Variants in GINS1 observed in about 807,000 individuals in gnomAD.
GINS1 encodes GINS complex subunit 1.
In GINS1, 26 loss-of-function variants were observed where a neutral mutation model predicts 34.9. The ratio of observed to expected loss-of-function variants is 0.74; its 90% CI spans 0.55 to 1.03. The LOEUF (loss-of-function observed/expected upper bound fraction) is 1.03. GINS1 is among the 50% of genes least tolerant of loss of function. The pLI is 0.00. For missense variants in GINS1, 235 were observed against 237.9 expected, an observed-to-expected ratio of 0.99 and a Z score of 0.08; for synonymous variants, 97 against 84.4, an observed-to-expected ratio of 1.15 and a Z score of -0.82.
chr20:25,437,944 C>T lies in GINS1; in HGVS notation c.448-3758C>T, dbSNP rs527324913. 5.3e-5 allele frequency among the ~76,000 whole-genome samples: 8 copies of T among 151,976 alleles called. No individual in the cohort carries two copies. In the East Asian group the frequency reaches 1.6e-3, roughly 30 times the overall value. On this transcript the variant is annotated intron_variant, in intron 5 of 6. Transcript: ENST00000262460. ...GACCAGCCTGGCCAACATGGTGAAACCCCATCTCTACTAAAAATACAAAAT... is the reference window on the plus strand; with the variant it reads ...GACCAGCCTGGCCAACATGGTGAAATCCCATCTCTACTAAAAATACAAAAT...
chr20:25,446,079 G>T lies in GINS1; in HGVS notation c.*88G>T. 1.5e-6 allele frequency: 1 copy of T among 665,260 alleles called. No homozygotes were observed. Among genetic ancestry groups the T allele is most frequent in the South Asian group, 2.1e-5 (1 of 48,492 alleles). 41.2% of individuals were successfully genotyped at this position (665,260 alleles called of 1,614,324 possible). A position where few individuals can be genotyped will look rare whatever the true frequency, so the allele number is the denominator to read the frequency against. On this transcript the variant is annotated 3_prime_UTR_variant, in exon 7 of 7. Coordinates refer to ENST00000262460, the MANE Select transcript of GINS1 (RefSeq NM_021067.5). ...CACCACTCCCTTCACCTCCCTCTTT[G>T]ATTTTAGAAGCTATAGACATTGTTT...
Position 25,413,866 on chromosome 20 carries a change from A to G in GINS1, c.140+12A>G. On this transcript the variant is annotated intron_variant, in intron 2 of 6. Coordinates refer to ENST00000262460, the MANE Select transcript of GINS1 (RefSeq NM_021067.5). Reference sequence around the variant, plus strand: ...AACCAGTCTGATGTGTAAGTTTCATAAGATGATATTCTAAAACAATTCAAT... The same window carrying G: ...AACCAGTCTGATGTGTAAGTTTCATGAGATGATATTCTAAAACAATTCAAT... 1 of 1,434,510 alleles carries G rather than the reference A, an allele frequency of 7.0e-7. No homozygotes were observed. Among genetic ancestry groups the G allele is most frequent in the Non-Finnish European group, 9.8e-7 (1 of 1,015,844 alleles). The allele number at this position is 1,434,510 out of a possible 1,614,324, so 88.9% of individuals were successfully genotyped here. A position where few individuals can be genotyped will look rare whatever the true frequency, so the allele number is the denominator to read the frequency against.
At chr20:25,413,554 C>G (rs1455280056) in intron 1 of GINS1, 2 of 465,704 alleles carry the variant, frequency 4.3e-6, no homozygotes, top group Non-Finnish European at 7.6e-6. Context: ...TTTTGAGGAA[C>G]TGTCAAGTTT....
In GINS1 at chr20:25,446,000, C is replaced by G. The variant is rs532768398; in HGVS notation, c.*9C>G. 66 of 1,570,448 alleles carry G rather than the reference C, an allele frequency of 4.2e-5. No homozygotes were observed. The Middle Eastern group carries it at 5.0e-4, about 12-fold the overall frequency. On this transcript the variant is annotated 3_prime_UTR_variant, in exon 7 of 7. Coordinates refer to ENST00000262460, the MANE Select transcript of GINS1 (RefSeq NM_021067.5). ...AGCACATCCTGTCATGACCATGCGC[C>G]GAGGCACTTCCAGGCTTCACTCAAC...
At chr20:25,408,460 C>T (rs1721150348) in intron 1 of GINS1, among the ~76,000 whole-genome samples, 1 of 152,168 alleles carries the variant, frequency 6.6e-6, no homozygotes. Flanking sequence ...TTTTCTCCTG[C>T]TGCTGCTGTT....
chr20:25,411,863 G>A (rs1273036153), intron 1 of GINS1, among the ~76,000 whole-genome samples: 1 of 151,714 alleles, frequency 6.6e-6, no homozygotes, highest in Non-Finnish European at 1.5e-5. Flanking sequence ...TCATTGCTTG[G>A]ACCCGGGAGA....
Position 25,442,366 on chromosome 20 carries a change from G to GTCTA in GINS1, c.522+593_522+594insATCT, listed in dbSNP as rs1353446926. 1.5e-3 allele frequency among the ~76,000 whole-genome samples: 158 copies of GTCTA among 105,926 alleles called. 1 individual carries two copies. The highest frequency in any genetic ancestry group is 4.3e-3 in the African/African-American group (151 of 34,978). The allele number at this position is 105,926 out of a possible 152,430, so 69.5% of individuals were successfully genotyped here. A position where few individuals can be genotyped will look rare whatever the true frequency, so the allele number is the denominator to read the frequency against. ...TGTCTGTCTGTCTGTCTGTCTGTCT[G>GTCTA]TCTGTCTATCTATCTATCTATCTTT... is the stretch of plus-strand genomic sequence containing the variant. On this transcript the variant is annotated intron_variant, in intron 6 of 6. Coordinates refer to ENST00000262460, the MANE Select transcript of GINS1 (RefSeq NM_021067.5).
chr20:25,415,253 C>T (rs2090313093), intron 2 of GINS1, among the ~76,000 whole-genome samples: 1 of 152,182 alleles, frequency 6.6e-6, no homozygotes, highest in Admixed American at 6.5e-5. Context: ...TGAACCTCAA[C>T]AGATTTGCAG....
Position 25,447,078 on chromosome 20 carries a change from C to T in GINS1, c.*1087C>T, listed in dbSNP as rs1481794145. On this transcript the variant is annotated 3_prime_UTR_variant, in exon 7 of 7. Transcript: ENST00000262460. ...GTTTTGAGATGGAGTCTTGTTCTGT[C>T]ACCCAGGCTGGGGTGCAGTGGCGTG... 2 of 150,194 alleles carry T rather than the reference C, an allele frequency of 1.3e-5. No individual in the cohort carries two copies. Among genetic ancestry groups the T allele is most frequent in the East Asian group, 2.0e-4 (1 of 5,110 alleles). 9.3% of individuals were successfully genotyped at this position (150,194 alleles called of 1,614,324 possible). A position where few individuals can be genotyped will look rare whatever the true frequency, so the allele number is the denominator to read the frequency against.
chr20:25,432,217 T>A (rs2090430947), intron 5 of GINS1, among the ~76,000 whole-genome samples: 1 of 152,198 alleles, frequency 6.6e-6, no homozygotes, highest in Non-Finnish European at 1.5e-5. Context: ...TGTTTGTAAC[T>A]ATAAATTTCT....
In GINS1 at chr20:25,446,116, G is replaced by T; in HGVS notation, c.*125G>T. 1 of 530,134 alleles carries T rather than the reference G, an allele frequency of 1.9e-6. No individual in the cohort carries two copies. The highest frequency in any genetic ancestry group is 1.9e-5 in the African/African-American group (1 of 52,198). 32.8% of individuals were successfully genotyped at this position (530,134 alleles called of 1,614,324 possible). A position where few individuals can be genotyped will look rare whatever the true frequency, so the allele number is the denominator to read the frequency against. ...TATAGACATTGTTTAAGATAACTAA[G>T]AATACTTGGCTAAGAAGTATAATTT... On this transcript the variant is annotated 3_prime_UTR_variant, in exon 7 of 7. Transcript: ENST00000262460.
intron 1 of GINS1, among the ~76,000 whole-genome samples, chr20:25,410,209 G>A (rs925718947): frequency 4.6e-5 from 7 of 151,950 alleles, no homozygotes; most frequent in African/African-American, 1.4e-4. Context: ...GGCGTGGTGG[G>A]ATGTGCCTGT....
At chr20:25,428,953 A>G (rs1600934260) in intron 5 of GINS1, among the ~76,000 whole-genome samples, 1 of 142,034 alleles carries the variant, frequency 7.0e-6, no homozygotes, top group East Asian at 2.2e-4. Flanking sequence ...TGGGTCCTCC[A>G]CCTTCATTCC....
At chr20:25,436,521 C>T (rs1317367055) in intron 5 of GINS1, among the ~76,000 whole-genome samples, 1 of 152,058 alleles carries the variant, frequency 6.6e-6, no homozygotes, top group Admixed American at 6.6e-5. Flanking sequence ...GTTCTTCAGA[C>T]TTAGTCATTT....
At chr20:25,422,748 G>A (rs2090363841) in intron 4 of GINS1, among the ~76,000 whole-genome samples, 1 of 152,188 alleles carries the variant, frequency 6.6e-6, no homozygotes, top group East Asian at 1.9e-4. Context: ...ATTCTAATCT[G>A]TTGATATATT....
intron 1 of GINS1, chr20:25,413,576 G>C (rs999687379): frequency 3.7e-6 from 2 of 545,766 alleles, no homozygotes; most frequent in African/African-American, 1.9e-5. Flanking sequence ...TGCCCACAGG[G>C]CTATACCGTT....
rs2090482169 is a variant in GINS1, at chr20:25,441,572, G to C, written c.448-130G>C. On this transcript the variant is annotated intron_variant, in intron 5 of 6. Transcript: ENST00000262460. Reference sequence around the variant, plus strand: ...TTAGAATACCACAATAGTAGTACTAGGCCTAAGTACATGGAGAGGAAACAA... The same window carrying C: ...TTAGAATACCACAATAGTAGTACTACGCCTAAGTACATGGAGAGGAAACAA... The C allele has an allele frequency of 5.2e-6, 3 of 576,356 alleles. No homozygotes were observed. The East Asian group carries it at 8.7e-5, about 17-fold the overall frequency. The allele number at this position is 576,356 out of a possible 1,614,324, so 35.7% of individuals were successfully genotyped here.
At chr20:25,418,262 G>A (rs2090333972) in intron 4 of GINS1, 67 bp downstream of exon 4, 2 of 909,734 alleles carry the variant, frequency 2.2e-6, no homozygotes, top group Admixed American at 1.7e-5. Flanking sequence ...TTCTATAATA[G>A]TGTTTATTGG....
intron 5 of GINS1, among the ~76,000 whole-genome samples, chr20:25,439,451 T>C (rs973954557): frequency 1.3e-5 from 2 of 152,130 alleles, no homozygotes; most frequent in Non-Finnish European, 2.9e-5. Context: ...AGCAGGAGTA[T>C]TGCTTGAGAC....
Sources: gnomAD v4.1 joint callset for allele counts (sites outside exome capture counted in the v4.1 genomes callset) on GRCh38, gnomAD v4.1.1 for gene constraint, MANE v1.5 for transcripts, NCBI Gene and HGNC (gene_info 2026-07-23, HGNC 2026-07-21) for gene names.